SAMD12: variants seen among roughly 807,000 people sequenced by gnomAD.
SAMD12 encodes sterile alpha motif domain containing 12, also known as sterile alpha motif domain-containing protein 12.
Under a neutral mutation model 15.0 loss-of-function variants are expected in SAMD12, and 9 were observed. The ratio of observed to expected loss-of-function variants is 0.60; its 90% CI spans 0.36 to 1.05. The LOEUF is 1.05. Among genes scored for constraint, SAMD12 ranks in the 50% least tolerant of loss-of-function variants. The pLI is 0.01. For synonymous variants in SAMD12, 86 were observed against 90.1 expected, an observed-to-expected ratio of 0.96 and a Z score of 0.25; for missense variants, 230 against 234.2, an observed-to-expected ratio of 0.98 and a Z score of 0.12.
intron 2 of SAMD12, among the ~76,000 whole-genome samples, chr8:118,522,287 T>C (rs151333462): frequency 2.0e-5 from 3 of 151,970 alleles, no homozygotes; most frequent in Admixed American, 6.6e-5. Flanking sequence ...ATCATCCAAC[T>C]TGATTTTAGT....
At chr8:118,415,451 GT>G (rs1821638619) in intron 3 of SAMD12, among the ~76,000 whole-genome samples, 1 of 111,576 alleles carries the variant, frequency 9.0e-6, no homozygotes, top group African/African-American at 4.4e-5. Flanking sequence ...GTCCTAAGGT[GT>G]GTGTGTGTGT....
At position 118,317,029 on chromosome 8, in the gene SAMD12, G is replaced by A. The variant is rs1398682690; in HGVS notation, c.433+62531C>T. 2.0e-5 allele frequency among the ~76,000 whole-genome samples: 3 copies of A among 152,016 alleles called. No individual in the cohort carries two copies. In the East Asian group the frequency reaches 5.8e-4, roughly 29 times the overall value. ...TAGGCACTAATCCAGTATGACTGATGTTCTTATAAGAAGAGGAAATTTGGA... is the reference window on the plus strand; with the variant it reads ...TAGGCACTAATCCAGTATGACTGATATTCTTATAAGAAGAGGAAATTTGGA... On this transcript the variant is annotated intron_variant, in intron 4 of 4. Coordinates refer to the SAMD12 transcript ENST00000409003.
At chr8:118,612,182 A>C (rs572368255) in intron 1 of SAMD12, among the ~76,000 whole-genome samples, 4 of 152,090 alleles carry the variant, frequency 2.6e-5, no homozygotes, top group Non-Finnish European at 5.9e-5. Flanking sequence ...TTTCTAGCTA[A>C]ATTCATCTTG....
At chr8:118,136,331 A>G in the SAMD12 span, among the ~76,000 whole-genome samples, 3 of 152,174 alleles carry the variant, frequency 2.0e-5, no homozygotes, top group Non-Finnish European at 4.4e-5. Context: ...TGCCTGGCCT[A>G]TCTGGCTTCT....
At chr8:118,154,997 T>A in the SAMD12 span, among the ~76,000 whole-genome samples, 2 of 152,166 alleles carry the variant, frequency 1.3e-5, no homozygotes, top group African/African-American at 4.8e-5. Context: ...ATGGTGACAT[T>A]CCCTTGGGTG....
chr8:118,342,285 C>T (rs1817412181), intron 4 of SAMD12, among the ~76,000 whole-genome samples: 1 of 92,922 alleles, frequency 1.1e-5, no homozygotes, highest in African/African-American at 5.2e-5. Flanking sequence ...CAGAGCAAGA[C>T]TTTGTCTCAA....
intron 4 of SAMD12, among the ~76,000 whole-genome samples, chr8:118,205,841 C>G (rs1009815993): frequency 2.0e-5 from 3 of 152,164 alleles, no homozygotes; most frequent in African/African-American, 7.2e-5. Context: ...AGGTCCCAAC[C>G]AACACACACA....
chr8:118,556,708 T>G (rs1274704849), intron 2 of SAMD12, among the ~76,000 whole-genome samples: 1 of 152,108 alleles, frequency 6.6e-6, no homozygotes, highest in African/African-American at 2.4e-5. Context: ...CTCATGCCTG[T>G]AATCCCAGTA....
intron 2 of SAMD12, among the ~76,000 whole-genome samples, chr8:118,498,412 T>C (rs1265630324): frequency 1.3e-5 from 2 of 152,244 alleles, no homozygotes; most frequent in Non-Finnish European, 2.9e-5. Context: ...TGTTGGCATG[T>C]TATGCCTGTA....
chr8:118,441,269 T>C (rs1822753736), intron 2 of SAMD12, among the ~76,000 whole-genome samples: 1 of 152,214 alleles, frequency 6.6e-6, no homozygotes, highest in African/African-American at 2.4e-5. Context: ...CAAAATAAAT[T>C]TTATTTTCTG....
chr8:118,156,592 A>G, the SAMD12 span, among the ~76,000 whole-genome samples: 2 of 152,300 alleles, frequency 1.3e-5, no homozygotes, highest in African/African-American at 4.8e-5. Flanking sequence ...ACCAATTCTT[A>G]TATGTCCCAG....
intron 1 of SAMD12, among the ~76,000 whole-genome samples, chr8:118,599,287 C>T (rs1827797060): frequency 6.6e-6 from 1 of 152,194 alleles, no homozygotes; most frequent in Admixed American, 6.5e-5. Flanking sequence ...TAGGACCCCT[C>T]GTCCTCTCTG....
chr8:118,616,388 A>G (rs1369025136), intron 1 of SAMD12, among the ~76,000 whole-genome samples: 1 of 152,224 alleles, frequency 6.6e-6, no homozygotes, highest in Non-Finnish European at 1.5e-5. Context: ...TTGCCGTAGA[A>G]AGTACCACCA....
At chr8:118,476,544 G>T (rs973510551) in intron 2 of SAMD12, among the ~76,000 whole-genome samples, 2 of 152,088 alleles carry the variant, frequency 1.3e-5, no homozygotes, top group African/African-American at 4.8e-5. Flanking sequence ...CAGTTCCAAA[G>T]CTCCCAGATT....
chr8:118,230,101 G>A (rs1423062082), intron 4 of SAMD12, among the ~76,000 whole-genome samples: 1 of 152,090 alleles, frequency 6.6e-6, no homozygotes, highest in African/African-American at 2.4e-5. Context: ...AAGGAGGAGA[G>A]GGAGTAAAAG....
At chr8:118,145,558 T>G in the SAMD12 span, among the ~76,000 whole-genome samples, 1 of 152,222 alleles carries the variant, frequency 6.6e-6, no homozygotes, top group Non-Finnish European at 1.5e-5. Flanking sequence ...GCTCATTGTC[T>G]ATGTTATCCA....
chr8:118,614,377 G>T lies in SAMD12; in HGVS notation c.13+7427C>A, dbSNP rs73319393. Among the ~76,000 whole-genome samples, 775 of 152,238 alleles carry T rather than the reference G, an allele frequency of 5.1e-3. 6 individuals carry two copies. Among genetic ancestry groups the T allele is most frequent in the African/African-American group, 0.018 (736 of 41,524 alleles). The stretch of plus-strand genomic sequence containing the variant: ...CAGAGCTGTTGAGTGAATTACCCAG[G>T]CACTCAGCAGGTCCTGTGCGGAGCT... On this transcript the variant is annotated intron_variant, in intron 1 of 3. Transcript: ENST00000314727.
chr8:118,475,832 A>G (rs1397304575), intron 2 of SAMD12, among the ~76,000 whole-genome samples: 3 of 151,790 alleles, frequency 2.0e-5, no homozygotes, highest in Admixed American at 1.3e-4. Flanking sequence ...CCTTCTTTGC[A>G]GGAGAAGCAG....
chr8:118,618,565 C>A (rs185471451), intron 1 of SAMD12, among the ~76,000 whole-genome samples: 1 of 152,196 alleles, frequency 6.6e-6, no homozygotes, highest in Admixed American at 6.5e-5. Context: ...ATGAGCAGGG[C>A]ACGGTGGCTC....
Sources: allele counts gnomAD v4.1 joint callset (sites outside exome capture counted in the v4.1 genomes callset), GRCh38; gene constraint gnomAD v4.1.1; transcripts MANE v1.5; gene names NCBI Gene and HGNC (gene_info 2026-07-23, HGNC 2026-07-21).